The following COL5A2 variants were observed in gnomAD, a reference collection of about 807,000 sequenced individuals.
COL5A2 encodes the protein collagen alpha-2(V) chain.
A neutral mutation model predicts 208.2 loss-of-function variants in COL5A2; 23 were observed. That is an observed-to-expected ratio of 0.11 (90% CI 0.08 to 0.16). COL5A2 has a LOEUF of 0.16. Among genes scored for constraint, COL5A2 ranks in the 10% least tolerant of loss-of-function variants. COL5A2 has a pLI of 1.00. For synonymous variants in COL5A2, 625 were observed against 628.5 expected (o/e 0.99, Z 0.08); for missense variants, 1,590 against 1,956.4 (o/e 0.81, Z 3.53).
the COL5A2 span, among the ~76,000 whole-genome samples, chr2:189,257,614 C>A: frequency 6.6e-6 from 1 of 152,056 alleles, no homozygotes; most frequent in African/African-American, 2.4e-5. Flanking sequence ...GTCAGTTAAA[C>A]AATTTTAAGA....
chr2:189,433,873 CA>C, the COL5A2 span, among the ~76,000 whole-genome samples: 3 of 152,016 alleles, frequency 2.0e-5, no homozygotes, highest in Admixed American at 2.0e-4. Context: ...GGCAGAGACA[CA>C]ACAAAAAAAG....
At chr2:189,172,968 CTTTT>C (rs11286911) in intron 1 of COL5A2, among the ~76,000 whole-genome samples, 2 of 96,492 alleles carry the variant, frequency 2.1e-5, no homozygotes, top group South Asian at 3.7e-4. Flanking sequence ...TTTTCCTCTT[CTTTT>C]TTTTTTTTTT....
chr2:189,248,418 A>G, the COL5A2 span, among the ~76,000 whole-genome samples: 2 of 152,338 alleles, frequency 1.3e-5, no homozygotes, highest in Non-Finnish European at 1.5e-5. Flanking sequence ...GCTTGTAAAA[A>G]TGGCAAGTTT....
chr2:189,383,862 A>C, the COL5A2 span, among the ~76,000 whole-genome samples: 1 of 152,010 alleles, frequency 6.6e-6, no homozygotes, highest in African/African-American at 2.4e-5. Context: ...TATTCCTTCT[A>C]ACTATATTTT....
the COL5A2 span, among the ~76,000 whole-genome samples, chr2:189,283,090 G>C: frequency 1.3e-5 from 2 of 151,998 alleles, no homozygotes; most frequent in Non-Finnish European, 2.9e-5. Context: ...AGTATTTTTA[G>C]TTAAATATGA....
chr2:189,049,494 T>C lies in COL5A2; in HGVS notation c.3040-40A>G, dbSNP rs114502556. ...TAAATGTCAAACACTTGTGAAGAAA[T>C]TGAAGAACGCTAGTTCCCATAAAGG... is the stretch of plus-strand genomic sequence containing the variant. On this transcript the variant is annotated intron_variant, in intron 43 of 53. Transcript: ENST00000374866. The C allele has an allele frequency of 1.8e-3, 2,747 of 1,508,304 alleles. 42 individuals are homozygous for C. In the African/African-American group the frequency reaches 0.033, roughly 18 times the overall value. The allele number at this position is 1,508,304 out of a possible 1,614,324, so 93.4% of individuals were successfully genotyped here. A position where few individuals can be genotyped will look rare whatever the true frequency, so the allele number is the denominator to read the frequency against.
intron 1 of COL5A2, among the ~76,000 whole-genome samples, chr2:189,127,267 T>C (rs904776146): frequency 6.6e-6 from 1 of 152,120 alleles, no homozygotes; most frequent in African/African-American, 2.4e-5. Context: ...ATCAGGTGTC[T>C]GGACCACAGA....
chr2:189,248,812 T>G, the COL5A2 span, among the ~76,000 whole-genome samples: 5 of 152,020 alleles, frequency 3.3e-5, no homozygotes, highest in African/African-American at 1.2e-4. Context: ...ATAATTCAAG[T>G]TTCTGGAACT....
the COL5A2 span, among the ~76,000 whole-genome samples, chr2:189,261,517 G>A: frequency 2.0e-5 from 3 of 152,324 alleles, no homozygotes; most frequent in East Asian, 3.9e-4. Context: ...CAGGAAAAAT[G>A]TGAATCATAA....
intron 35 of COL5A2, 56 bp from the exon 36 acceptor site, chr2:189,054,268 T>C (rs891891703): frequency 7.6e-7 from 1 of 1,312,800 alleles, no homozygotes; most frequent in Non-Finnish European, 1.1e-6. Context: ...GAAATCTTCA[T>C]GCTTAGCAAA....
chr2:189,311,832 C>A, the COL5A2 span: 2 of 1,268,478 alleles, frequency 1.6e-6, no homozygotes, highest in South Asian at 1.2e-5. Context: ...GGGGCATCTA[C>A]CTCCACGGTC....
chr2:189,298,380 T>C, the COL5A2 span, among the ~76,000 whole-genome samples: 2 of 152,146 alleles, frequency 1.3e-5, no homozygotes, highest in African/African-American at 4.8e-5. Flanking sequence ...TCTGCTGAAG[T>C]ACCTTAAGCT....
At chr2:189,045,146 A>G (rs1270093878) in intron 47 of COL5A2, 33 bp downstream of exon 47, 2 of 1,521,866 alleles carry the variant, frequency 1.3e-6, no homozygotes, top group Non-Finnish European at 1.8e-6. Context: ...ATATAAGAAA[A>G]CATTTTTTAA....
At chr2:189,292,782 C>T in the COL5A2 span, among the ~76,000 whole-genome samples, 1 of 152,152 alleles carries the variant, frequency 6.6e-6, no homozygotes, top group Non-Finnish European at 1.5e-5. Flanking sequence ...ATAAATCATG[C>T]TGCTATAAAG....
At chr2:189,267,438 C>T in the COL5A2 span, among the ~76,000 whole-genome samples, 5 of 151,988 alleles carry the variant, frequency 3.3e-5, no homozygotes, top group Admixed American at 6.6e-5. Flanking sequence ...ATTCATCTTG[C>T]AAAAACACAT....
chr2:189,347,741 T>TC, the COL5A2 span, among the ~76,000 whole-genome samples: 2 of 152,186 alleles, frequency 1.3e-5, no homozygotes, highest in African/African-American at 4.8e-5. Context: ...TTTCTGGAAC[T>TC]CCTGTTTGTC....
the COL5A2 span, among the ~76,000 whole-genome samples, chr2:189,382,174 G>C: frequency 6.6e-6 from 1 of 151,934 alleles, no homozygotes; most frequent in South Asian, 2.1e-4. Flanking sequence ...TTTTGTCAGG[G>C]CAGCAATAAA....
At position 189,048,260 on chromosome 2, in the gene COL5A2, A is replaced by G; in HGVS notation, c.3150T>C (p.Gly1050=). Reference sequence around the variant, plus strand: ...CTGGGGTACCATCATTGCCAGCTGGACCCTATAAAGAATAATGGTTTGAAA... The same window carrying G: ...CTGGGGTACCATCATTGCCAGCTGGGCCCTATAAAGAATAATGGTTTGAAA... ...NGPVGEPGPE[G]PAGNDGTPGR... The change falls in exon 45 of 54, where the codon GGT becomes GGC. Residue 1050 remains glycine (G), a splice_region_variant and synonymous_variant. Transcript: ENST00000374866. 1 of 1,613,900 alleles carries G rather than the reference A, an allele frequency of 6.2e-7. No homozygotes were observed. Among genetic ancestry groups the G allele is most frequent in the South Asian group, 1.1e-5 (1 of 91,080 alleles).
Position 189,103,657 on chromosome 2 carries a change from T to C in COL5A2, c.336+607A>G, listed in dbSNP as rs569161522. Among the ~76,000 whole-genome samples the C allele has an allele frequency of 1.4e-4, 22 of 152,180 alleles. 1 individual carries two copies. The highest frequency in any genetic ancestry group is 1.4e-3 in the Admixed American group (22 of 15,252). On this transcript the variant is annotated intron_variant, in intron 3 of 53. Coordinates refer to ENST00000374866, the MANE Select transcript of COL5A2 (RefSeq NM_000393.5). The stretch of plus-strand genomic sequence containing the variant: ...ACCAAGCTGACCAGCTATACTCGGG[T>C]CATGGATGCAGCCTACCCTGTTTTC...
Sources: gnomAD v4.1 joint callset for allele counts (sites outside exome capture counted in the v4.1 genomes callset) on GRCh38, gnomAD v4.1.1 for gene constraint, MANE v1.5 for transcripts, NCBI Gene and HGNC (gene_info 2026-07-23, HGNC 2026-07-21) for gene names.